The following TNNI3K variants were observed in gnomAD, a reference collection of about 807,000 sequenced individuals.
TNNI3K encodes the protein serine/threonine-protein kinase TNNI3K.
A neutral mutation model predicts 114.5 loss-of-function variants in TNNI3K; 140 were observed. The ratio of observed to expected loss-of-function variants is 1.22; its 90% CI spans 1.07 to 1.41. The LOEUF is 1.41. Among genes scored for constraint, TNNI3K ranks in the 40% most tolerant of loss-of-function variants. TNNI3K has a pLI of 0.00. For synonymous variants in TNNI3K, 347 were observed against 347.5 expected, an observed-to-expected ratio of 1.00 and a Z score of 0.02; for missense variants, 1,125 against 1,007.6, an observed-to-expected ratio of 1.12 and a Z score of -1.58.
intron 17 of TNNI3K, among the ~76,000 whole-genome samples, chr1:74,412,299 G>T (rs936903783): frequency 5.3e-5 from 8 of 152,010 alleles, no homozygotes; most frequent in South Asian, 2.1e-4. Context: ...ATGCCTCCTG[G>T]TTATCACACA....
chr1:74,426,730 G>C (rs1435820218), intron 17 of TNNI3K, among the ~76,000 whole-genome samples: 1 of 151,998 alleles, frequency 6.6e-6, no homozygotes, highest in Non-Finnish European at 1.5e-5. Context: ...TGTTGAATAG[G>C]TGCTCAGAAG....
At chr1:74,369,777 T>C (rs993080692) in intron 16 of TNNI3K, 192 bp downstream of exon 16, 1 of 610,144 alleles carries the variant, frequency 1.6e-6, no homozygotes, top group Non-Finnish European at 2.4e-6. Flanking sequence ...TACTTTATGC[T>C]TTCTTAGCAG....
chr1:74,534,029 G>C (rs2344508), intron 23 of TNNI3K, among the ~76,000 whole-genome samples: 1 of 152,054 alleles, frequency 6.6e-6, no homozygotes, highest in Admixed American at 6.5e-5. Context: ...CCAAAACGCC[G>C]GTGAAATTAA....
chr1:74,390,563 A>G (rs974708234), intron 17 of TNNI3K, among the ~76,000 whole-genome samples: 2 of 152,118 alleles, frequency 1.3e-5, no homozygotes, highest in African/African-American at 2.4e-5. Context: ...ACCAAGATTT[A>G]TTGTGCACCT....
intron 21 of TNNI3K, chr1:74,471,863 T>A (rs1410796431): frequency 4.4e-6 from 2 of 453,000 alleles, no homozygotes; most frequent in Non-Finnish European, 3.9e-6. Context: ...TTCTTTTCTT[T>A]CATGTAATCT....
At chr1:74,343,213 C>G in intron 9 of TNNI3K, 34 bp downstream of exon 9, 1 of 1,576,268 alleles carries the variant, frequency 6.3e-7, no homozygotes, top group Non-Finnish European at 8.6e-7. Flanking sequence ...AGCCACTAAA[C>G]TTAGCTGACA....
chr1:74,336,177 G>A, intron 7 of TNNI3K, 28 bp downstream of exon 7: 1 of 1,580,876 alleles, frequency 6.3e-7, no homozygotes, highest in Non-Finnish European at 8.5e-7. Flanking sequence ...AAAGACCTTT[G>A]CTATCATTTG....
At position 74,518,873 on chromosome 1, in the gene TNNI3K, C is replaced by CTTTTTTTTT. The variant is rs1646388103; in HGVS notation, c.2352-21361_2352-21360insTTTTTTTTT. Among the ~76,000 whole-genome samples, 20 of 100,332 alleles carry CTTTTTTTTT rather than the reference C, an allele frequency of 2.0e-4. 1 individual carries two copies. The highest frequency in any genetic ancestry group is 3.4e-4 in the South Asian group (1 of 2,958). 65.8% of individuals were successfully genotyped at this position (100,332 alleles called of 152,430 possible). A position where few individuals can be genotyped will look rare whatever the true frequency, so the allele number is the denominator to read the frequency against. ...TTTTATTTTATTTTATTTTTTTTCC[C>CTTTTTTTTT]CTTTTTTTTTTTTTTTTTTTTATTA... On this transcript the variant is annotated intron_variant, in intron 23 of 24. Transcript: ENST00000326637.
intron 23 of TNNI3K, among the ~76,000 whole-genome samples, chr1:74,510,566 A>G (rs1003397811): frequency 6.6e-6 from 1 of 152,236 alleles, no homozygotes; most frequent in African/African-American, 2.4e-5. Flanking sequence ...TTGAATTTTT[A>G]AAAAATTATT....
Position 74,364,721 on chromosome 1 carries a change from G to A in TNNI3K, c.1178-2535G>A, listed in dbSNP as rs189018230. 3.3e-5 allele frequency among the ~76,000 whole-genome samples: 5 copies of A among 151,640 alleles called. No homozygotes were observed. In the East Asian group the frequency reaches 9.7e-4, roughly 30 times the overall value. ...TATGGAAAAGGGGGGCAGAAGCAGA[G>A]GTCAGAGCAATATGATATGAGGACT... On this transcript the variant is annotated intron_variant, in intron 11 of 24. Transcript: ENST00000326637.
chr1:74,536,524 T>C (rs979157995), intron 23 of TNNI3K, among the ~76,000 whole-genome samples: 1 of 152,164 alleles, frequency 6.6e-6, no homozygotes, highest in Non-Finnish European at 1.5e-5. Flanking sequence ...CTGATGATCA[T>C]TTTTATATTT....
At chr1:74,277,779 T>C (rs1424443721) in intron 5 of TNNI3K, among the ~76,000 whole-genome samples, 1 of 152,064 alleles carries the variant, frequency 6.6e-6, no homozygotes, top group African/African-American at 2.4e-5. Flanking sequence ...GGTTGTGGAG[T>C]GGTTTTCTTA....
At chr1:74,472,144 C>T (rs3765675) in intron 21 of TNNI3K, 18,790 of 717,050 alleles carry the variant, frequency 0.026, 813 homozygotes, top group East Asian at 0.14. Context: ...AAGACTTTCT[C>T]CTGCCAAGGC....
intron 17 of TNNI3K, among the ~76,000 whole-genome samples, chr1:74,402,653 C>T (rs1003093624): frequency 6.6e-6 from 1 of 152,110 alleles, no homozygotes; most frequent in African/African-American, 2.4e-5. Flanking sequence ...AACATTTTAA[C>T]CCACTTCTGA....
At chr1:74,429,633 A>G (rs1396587287) in intron 17 of TNNI3K, among the ~76,000 whole-genome samples, 1 of 152,144 alleles carries the variant, frequency 6.6e-6, no homozygotes, top group Non-Finnish European at 1.5e-5. Context: ...CTGAGCCATC[A>G]CATAGCTCTA....
intron 17 of TNNI3K, chr1:74,375,460 G>A: frequency 2.4e-6 from 1 of 418,196 alleles, no homozygotes; most frequent in Non-Finnish European, 4.9e-6. Context: ...TAATGGTTTA[G>A]GAATCACATA....
intron 2 of TNNI3K, among the ~76,000 whole-genome samples, chr1:74,246,080 CA>C (rs1654534040): frequency 6.6e-6 from 1 of 152,182 alleles, no homozygotes; most frequent in Non-Finnish European, 1.5e-5. Context: ...ATACTGCAAT[CA>C]AAATCATTTC....
chr1:74,374,558 G>A (rs1662797019), intron 17 of TNNI3K: 1 of 151,846 alleles, frequency 6.6e-6, no homozygotes, highest in Non-Finnish European at 1.5e-5. Flanking sequence ...CTTACTCTCT[G>A]TACTTTAATC....
chr1:74,317,338 A>G (rs1659370201), intron 5 of TNNI3K, among the ~76,000 whole-genome samples: 2 of 152,336 alleles, frequency 1.3e-5, no homozygotes, highest in East Asian at 3.9e-4. Flanking sequence ...AGTAGTAACA[A>G]TTACATATAA....
Sources: allele counts gnomAD v4.1 joint callset (sites outside exome capture counted in the v4.1 genomes callset), GRCh38; gene constraint gnomAD v4.1.1; transcripts MANE v1.5; gene names NCBI Gene and HGNC (gene_info 2026-07-23, HGNC 2026-07-21).